Variants in SYNE1 observed in about 807,000 individuals in gnomAD.
The protein encoded by SYNE1 is spectrin repeat containing nuclear envelope protein 1.
A neutral mutation model predicts 1,111.0 loss-of-function variants in SYNE1; 616 were observed. The ratio of observed to expected loss-of-function variants is 0.55; its 90% CI spans 0.52 to 0.59. SYNE1 has a LOEUF of 0.59. Among genes scored for constraint, SYNE1 ranks in the 20% least tolerant of loss-of-function variants. The pLI is 0.00. For missense variants in SYNE1, 10,006 were observed against 10,417.0 expected (o/e 0.96, Z 1.72); for synonymous variants, 3,855 against 3,825.8 (o/e 1.01, Z -0.28).
chr6:152,513,962 A>G (rs2099098790), intron 6 of SYNE1, among the ~76,000 whole-genome samples: 1 of 152,190 alleles, frequency 6.6e-6, no homozygotes, highest in African/African-American at 2.4e-5. Flanking sequence ...GGCGATTATT[A>G]AAAAGTCAGG....
chr6:152,437,455 T>G (rs215002), intron 32 of SYNE1, among the ~76,000 whole-genome samples: 78,198 of 152,046 alleles, frequency 0.51, 22,246 homozygotes, highest in African/African-American at 0.75. Context: ...CTAACACTCT[T>G]GGAGATACTG....
intron 110 of SYNE1, among the ~76,000 whole-genome samples, chr6:152,235,640 C>T (rs969782709): frequency 6.6e-6 from 1 of 152,162 alleles, no homozygotes; most frequent in Non-Finnish European, 1.5e-5. Flanking sequence ...GGATTACAGG[C>T]GTGAGCCACT....
At chr6:152,611,480 C>A (rs1227457975) in intron 3 of SYNE1, among the ~76,000 whole-genome samples, 2 of 152,144 alleles carry the variant, frequency 1.3e-5, no homozygotes, top group Admixed American at 6.5e-5. Flanking sequence ...AATACAGGAG[C>A]ACCCAGATTC....
rs747768163 is a variant in SYNE1 at position 152,143,727 on chromosome 6, C to A, written c.25015G>T (p.Gly8339Cys). The change falls in exon 138 of 146, where the codon GGC becomes TGC. Residue 8339 changes from glycine (G) to cysteine (C), a missense_variant. Gly to Cys is a radical substitution (Grantham distance 159). Around this residue, in one of 7 missense-constraint regions of SYNE1, gnomAD observed 761 missense variants for 795.5 expected, o/e 0.96. Transcript: ENST00000367255. The part of the protein sequence containing the change: ...SALESQIRQL[G>C]KALDDSRFQI... ...AAACGGCTATCATCCAGGGCTTTGC[C>A]CAGTTGTCGGATCTGTGACTCTAGG... 42 of 1,614,044 alleles carry A rather than the reference C, an allele frequency of 2.6e-5. No individual in the cohort carries two copies. Among genetic ancestry groups the A allele is most frequent in the Non-Finnish European group, 3.2e-5 (38 of 1,180,046 alleles).
intron 69 of SYNE1, 55 bp from the exon 70 acceptor site, chr6:152,352,408 C>G: frequency 7.7e-7 from 1 of 1,303,792 alleles, no homozygotes; most frequent in Non-Finnish European, 1.1e-6. Flanking sequence ...TCTTTTCTTT[C>G]TTTTTTTTTT....
rs1190611162 is a variant in SYNE1, at chr6:152,330,357, G to T, written c.14328C>A (p.Thr4776=). 4.3e-6 allele frequency: 7 copies of T among 1,614,100 alleles called. No homozygotes were observed. The highest frequency in any genetic ancestry group is 5.9e-6 in the Non-Finnish European group (7 of 1,180,036). Residue 4776 remains threonine, a synonymous_variant, in exon 78 of 146, where the codon ACC becomes ACA. Coordinates refer to ENST00000367255, the MANE Select transcript of SYNE1 (RefSeq NM_182961.4). ...TEQRVSLLED[T]TSAYQEHEKM... is the part of the protein sequence containing the mutation. The stretch of plus-strand genomic sequence containing the variant: ...TCTCGTGTTCTTGGTAAGCACTGGT[G>T]GTGTCTTCTAATAAGCTAACCCTCT...
At chr6:152,214,174 C>T (rs1022100311) in intron 122 of SYNE1, among the ~76,000 whole-genome samples, 1 of 84,102 alleles carries the variant, frequency 1.2e-5, no homozygotes, top group Non-Finnish European at 2.4e-5. Context: ...GCCTGGGTGA[C>T]AAGAATGAAA....
chr6:152,151,942 T>A lies in SYNE1; in HGVS notation c.24312+17A>T. 1 of 1,613,668 alleles carries A rather than the reference T, an allele frequency of 6.2e-7. No individual in the cohort carries two copies. Among genetic ancestry groups the A allele is most frequent in the Non-Finnish European group, 8.5e-7 (1 of 1,179,654 alleles). ...CATCCTCTGGCCTCTAAATTACAGA[T>A]GAGGCATAGCAAAAACCTTGAGTCT... On this transcript the variant is annotated intron_variant, in intron 134 of 145. Transcript: ENST00000367255.
chr6:152,196,196 G>C (rs1435095756), intron 127 of SYNE1, among the ~76,000 whole-genome samples: 1 of 152,122 alleles, frequency 6.6e-6, no homozygotes. Flanking sequence ...TCTGGCCCAA[G>C]GTAGATCCAG....
At position 152,186,451 on chromosome 6, in the gene SYNE1, G is replaced by A. The variant is rs190446129; in HGVS notation, c.23301+2801C>T. Among the ~76,000 whole-genome samples the A allele has an allele frequency of 3.3e-5, 5 of 151,206 alleles. No individual in the cohort carries two copies. The East Asian group carries it at 9.8e-4, about 30-fold the overall frequency. On this transcript the variant is annotated intron_variant, in intron 128 of 145. Transcript: ENST00000367255. ...CATGCCTGTAATCTCAGTTACTCGG[G>A]AGGCTGAGGCAAGAGAATCACTTGT... is the stretch of plus-strand genomic sequence containing the variant.
intron 103 of SYNE1, among the ~76,000 whole-genome samples, chr6:152,255,336 G>T (rs1311494172): frequency 6.6e-6 from 1 of 152,186 alleles, no homozygotes; most frequent in Non-Finnish European, 1.5e-5. Context: ...CTTTTTTTAA[G>T]CATGTGTTTC....
chr6:152,220,810 T>C (rs371654450), intron 119 of SYNE1, 32 bp downstream of exon 119: 13 of 1,598,514 alleles, frequency 8.1e-6, no homozygotes, highest in Admixed American at 1.7e-5. Context: ...AAGAAGGGCA[T>C]GTGGGGAAAA....
intron 18 of SYNE1, chr6:152,464,904 A>G: frequency 2.9e-6 from 1 of 349,240 alleles, no homozygotes; most frequent in Non-Finnish European, 5.5e-6. Context: ...TACCACATAG[A>G]TCCAGTAGTA....
chr6:152,495,825 C>A (rs2098996531), intron 11 of SYNE1, among the ~76,000 whole-genome samples: 1 of 152,232 alleles, frequency 6.6e-6, no homozygotes, highest in African/African-American at 2.4e-5. Flanking sequence ...CCCTTCCCGT[C>A]CCTTGTCCAA....
intron 95 of SYNE1, among the ~76,000 whole-genome samples, chr6:152,290,768 T>C (rs1009432571): frequency 1.4e-4 from 21 of 152,134 alleles, no homozygotes; most frequent in African/African-American, 5.1e-4. Flanking sequence ...AAAACCATAC[T>C]GGACTTCCTC....
At chr6:152,237,926 T>C in intron 108 of SYNE1, among the ~76,000 whole-genome samples, 1 of 152,114 alleles carries the variant, frequency 6.6e-6, no homozygotes, top group East Asian at 1.9e-4. Flanking sequence ...GCAGTTGGAG[T>C]GGCAACAGGG....
intron 116 of SYNE1, 60 bp downstream of exon 116, chr6:152,225,659 CCA>C: frequency 6.2e-7 from 1 of 1,608,236 alleles, no homozygotes; most frequent in Non-Finnish European, 8.5e-7. Context: ...AAACCAAAAC[CCA>C]GAGTTTGGAC....
chr6:152,520,646 C>G, intron 5 of SYNE1, 104 bp from the exon 6 acceptor site: 1 of 1,239,984 alleles, frequency 8.1e-7, no homozygotes, highest in East Asian at 2.5e-5. Flanking sequence ...GAAGAATATT[C>G]AAAAGCAACC....
chr6:152,266,507 A>G (rs930904118), intron 100 of SYNE1, among the ~76,000 whole-genome samples: 19 of 152,226 alleles, frequency 1.2e-4, no homozygotes, highest in African/African-American at 4.6e-4. Flanking sequence ...ACACATATTC[A>G]TGGTCTAATC....
Sources: gnomAD v4.1 joint callset for allele counts (sites outside exome capture counted in the v4.1 genomes callset) on GRCh38, gnomAD v4.1.1 for gene constraint, gnomAD v4.1.1 regional missense constraint, MANE v1.5 for transcripts, NCBI Gene and HGNC (gene_info 2026-07-23, HGNC 2026-07-21) for gene names.